The following OPRM1 variants were observed in gnomAD, a reference collection of about 807,000 sequenced individuals.
The protein encoded by OPRM1 is opioid receptor mu 1, also known as mu-type opioid receptor.
A neutral mutation model predicts 31.8 loss-of-function variants in OPRM1; 27 were observed. The ratio of observed to expected loss-of-function variants is 0.85; its 90% CI spans 0.63 to 1.17. The LOEUF is 1.17. OPRM1 is among the 50% of genes most tolerant of loss of function. The pLI is 0.00. For missense variants in OPRM1, 536 were observed against 511.1 expected (o/e 1.05, Z -0.47); for synonymous variants, 196 against 189.9 (o/e 1.03, Z -0.26).
At chr6:154,235,045 C>T (rs1780005482) in intron 3 of OPRM1, among the ~76,000 whole-genome samples, 1 of 152,122 alleles carries the variant, frequency 6.6e-6, no homozygotes, top group Non-Finnish European at 1.5e-5. Flanking sequence ...GAAAACAATA[C>T]ATATGAAGGA....
At chr6:154,196,606 G>T (rs78693198) in intron 3 of OPRM1, among the ~76,000 whole-genome samples, 4,232 of 152,264 alleles carry the variant, frequency 0.028, 197 homozygotes, top group African/African-American at 0.096. Context: ...TCAGCAGGTA[G>T]TGTGTGTTGT....
intron 1 of OPRM1, among the ~76,000 whole-genome samples, chr6:154,029,213 C>T (rs1013900049): frequency 5.9e-5 from 9 of 152,086 alleles, no homozygotes; most frequent in East Asian, 1.9e-4. Flanking sequence ...TTTGGATATA[C>T]GTAAGACTGA....
At chr6:154,080,790 A>G (rs1788926137) in intron 1 of OPRM1, among the ~76,000 whole-genome samples, 2 of 152,142 alleles carry the variant, frequency 1.3e-5, no homozygotes, top group African/African-American at 4.8e-5. Flanking sequence ...AACACCATAC[A>G]TCCAAAGTGT....
chr6:154,046,732 C>A (rs189972933), intron 1 of OPRM1: 5 of 152,260 alleles, frequency 3.3e-5, no homozygotes, highest in Admixed American at 2.6e-4. Flanking sequence ...GGAAGAGAAA[C>A]CTTGCCCTGG....
At chr6:154,019,849 T>C in intron 1 of OPRM1, among the ~76,000 whole-genome samples, 1 of 147,528 alleles carries the variant, frequency 6.8e-6, no homozygotes, top group East Asian at 2.1e-4. Flanking sequence ...TCCCCCCATC[T>C]CAGTCCCCCA....
Position 154,089,987 on chromosome 6 carries a change from A to G in OPRM1, c.452A>G (p.Tyr151Cys). Residue 151 changes from tyrosine (Y) to cysteine (C), a missense_variant, in exon 2 of 4, where the codon TAT (tyrosine) becomes TGT (cysteine). Transcript: ENST00000330432. ...LCKIVISIDYYNMFTSIFTLC... is the reference protein window; with the variant it reads ...LCKIVISIDYCNMFTSIFTLC... The stretch of plus-strand genomic sequence containing the variant: ...AAGATAGTGATCTCCATAGATTACT[A>G]TAACATGTTCACCAGCATATTCACC... The G allele has an allele frequency of 1.2e-6, 2 of 1,614,154 alleles. No homozygotes were observed. The highest frequency in any genetic ancestry group is 1.7e-6 in the Non-Finnish European group (2 of 1,179,984).
Position 154,039,486 on chromosome 6 carries a change from GAA to G in OPRM1, c.-56_-55del. 1 of 1,563,440 alleles carries G rather than the reference GAA, an allele frequency of 6.4e-7. No individual in the cohort carries two copies. Among genetic ancestry groups the G allele is most frequent in the Non-Finnish European group, 8.7e-7 (1 of 1,153,650 alleles). ...GAAGCGGCTGAGGCGCTTGGAACCC[GAA>G]AAGTCTCGGTGCTCCTGGCTACCTC... On this transcript the variant is annotated 5_prime_UTR_variant, in exon 1 of 4. Transcript: ENST00000330432.
At chr6:154,154,325 T>A (rs190059563) in intron 3 of OPRM1, among the ~76,000 whole-genome samples, 16 of 152,362 alleles carry the variant, frequency 1.1e-4, no homozygotes, top group Admixed American at 3.3e-4. Flanking sequence ...ATGCAAATTT[T>A]AAAAATTCTT....
chr6:154,222,184 G>T (rs12205120), intron 3 of OPRM1, among the ~76,000 whole-genome samples: 12,369 of 152,276 alleles, frequency 0.081, 1,006 homozygotes, highest in East Asian at 0.42. Context: ...AAGAAAAGCA[G>T]AAAACATTGA....
chr6:154,202,909 A>C (rs1777187443), intron 3 of OPRM1, among the ~76,000 whole-genome samples: 1 of 152,234 alleles, frequency 6.6e-6, no homozygotes, highest in African/African-American at 2.4e-5. Flanking sequence ...GAGGAAAAGG[A>C]AAATGAGAAA....
chr6:154,104,033 T>A (rs1795236006), intron 3 of OPRM1, among the ~76,000 whole-genome samples: 1 of 152,204 alleles, frequency 6.6e-6, no homozygotes, highest in Non-Finnish European at 1.5e-5. Context: ...GCCTCTGACA[T>A]GTCCCCCCTC....
downstream of OPRM1, among the ~76,000 whole-genome samples, chr6:154,136,539 G>A (rs970454212): frequency 6.6e-6 from 1 of 152,198 alleles, no homozygotes. Flanking sequence ...ACCCACCTGA[G>A]GGGCCCTCTC....
intron 1 of OPRM1, among the ~76,000 whole-genome samples, chr6:154,088,535 A>T (rs17174778): frequency 1.1e-4 from 16 of 152,314 alleles, no homozygotes; most frequent in Admixed American, 2.0e-4. Context: ...ATGGGTTTTT[A>T]AATAGGTGTA....
At chr6:154,226,747 C>A (rs1051783469) in intron 3 of OPRM1, among the ~76,000 whole-genome samples, 50 of 152,144 alleles carry the variant, frequency 3.3e-4, no homozygotes, top group African/African-American at 1.2e-3. Context: ...TGATTAAATA[C>A]CCTGCATGGT....
At chr6:154,025,591 GTCTTA>G (rs1778648787) in intron 1 of OPRM1, among the ~76,000 whole-genome samples, 1 of 151,772 alleles carries the variant, frequency 6.6e-6, no homozygotes, top group Non-Finnish European at 1.5e-5. Flanking sequence ...TTGTTTTGTG[GTCTTA>G]TCTTCCTTCT....
chr6:154,136,455 A>G (rs538431388), downstream of OPRM1, among the ~76,000 whole-genome samples: 1 of 152,332 alleles, frequency 6.6e-6, no homozygotes, highest in Non-Finnish European at 1.5e-5. Context: ...TGTCAATTTC[A>G]GCTGAATCAT....
At chr6:154,184,558 C>T (rs1801173228) in intron 3 of OPRM1, among the ~76,000 whole-genome samples, 1 of 151,748 alleles carries the variant, frequency 6.6e-6, no homozygotes, top group Non-Finnish European at 1.5e-5. Flanking sequence ...TATATATGCG[C>T]ATTGGTACAT....
At chr6:154,207,559 GT>G (rs60099031) in intron 3 of OPRM1, among the ~76,000 whole-genome samples, 2 of 151,190 alleles carry the variant, frequency 1.3e-5, no homozygotes, top group Non-Finnish European at 1.5e-5. Context: ...ACTTTTTGGG[GT>G]TTTTTTTGTT....
At chr6:154,167,321 C>A (rs892651128) in intron 3 of OPRM1, among the ~76,000 whole-genome samples, 1 of 152,210 alleles carries the variant, frequency 6.6e-6, no homozygotes, top group African/African-American at 2.4e-5. Context: ...ACTTCCTGTA[C>A]ACTTTCCCTT....
Sources: gnomAD v4.1 joint callset for allele counts (sites outside exome capture counted in the v4.1 genomes callset) on GRCh38, gnomAD v4.1.1 for gene constraint, MANE v1.5 for transcripts, NCBI Gene and HGNC (gene_info 2026-07-23, HGNC 2026-07-21) for gene names.